Variants in STARD8 observed in about 807,000 individuals in gnomAD.
The protein encoded by STARD8 is stAR-related lipid transfer protein 8.
A neutral mutation model predicts 69.4 loss-of-function variants in STARD8; 25 were observed. The observed-to-expected ratio is 0.36, with a 90% CI of 0.26 to 0.50. The LOEUF (loss-of-function observed/expected upper bound fraction) is 0.50, where lower values mean the gene tolerates loss of function less well. STARD8 is among the 20% of genes least tolerant of loss of function. The probability of loss-of-function intolerance (pLI) is 0.96; values close to 1 mark genes in which losing one functional copy is unlikely to be tolerated. For missense variants in STARD8, 921 were observed against 932.5 expected, an observed-to-expected ratio of 0.99 and a Z score of 0.16; for synonymous variants, 389 against 374.6, an observed-to-expected ratio of 1.04 and a Z score of -0.45.
intron 1 of STARD8, among the ~76,000 whole-genome samples, chrX:68,660,152 G>T (rs1011984516): frequency 9.0e-6 from 1 of 110,947 alleles, no homozygotes; most frequent in Non-Finnish European, 1.9e-5. Context: ...TGTTCTGGGG[G>T]TTCCTCAGGA....
intron 10 of STARD8, 103 bp downstream of exon 10, chrX:68,721,849 A>C: frequency 1.1e-6 from 1 of 914,993 alleles, no homozygotes; most frequent in Non-Finnish European, 1.5e-6. Context: ...TCTCAGCCTC[A>C]CCACAAGGAG....
intron 2 of STARD8, among the ~76,000 whole-genome samples, chrX:68,679,352 A>G (rs1203105109): frequency 6.3e-5 from 7 of 111,176 alleles, no homozygotes; most frequent in African/African-American, 1.3e-4. Context: ...CAGCCTCCCT[A>G]TGATAGGCTT....
At chrX:68,715,726 T>C (rs1373978044) in intron 4 of STARD8, among the ~76,000 whole-genome samples, 3 of 111,718 alleles carry the variant, frequency 2.7e-5, no homozygotes, top group Non-Finnish European at 5.6e-5. Flanking sequence ...TAACTGGCTT[T>C]AGTCTTGATA....
intron 8 of STARD8, among the ~76,000 whole-genome samples, chrX:68,720,693 C>CT (rs2080140247): frequency 8.9e-6 from 1 of 112,797 alleles, no homozygotes; most frequent in Non-Finnish European, 1.9e-5. Context: ...CTAGATCCAC[C>CT]TTTTTCTACT....
intron 2 of STARD8, among the ~76,000 whole-genome samples, chrX:68,689,819 G>A (rs1028323176): frequency 2.7e-5 from 3 of 110,763 alleles, no homozygotes; most frequent in Non-Finnish European, 5.7e-5. Context: ...CTTCCAGGAT[G>A]TAGCTTTCTG....
Position 68,725,555 on chromosome X carries a change from A to AATATATATATAT in STARD8, c.*1146_*1157dup, listed in dbSNP as rs771897636. The AATATATATATAT allele has an allele frequency of 5.9e-4, 55 of 93,419 alleles. No individual in the cohort carries two copies. Among genetic ancestry groups the AATATATATATAT allele is most frequent in the African/African-American group, 2.1e-3 (50 of 23,895 alleles). The allele number at this position is 93,419 out of a possible 1,213,427, so 7.7% of individuals were successfully genotyped here. A position where few individuals can be genotyped will look rare whatever the true frequency, so the allele number is the denominator to read the frequency against. On this transcript the variant is annotated 3_prime_UTR_variant, in exon 15 of 15. Coordinates refer to ENST00000374599, the MANE Select transcript of STARD8 (RefSeq NM_001142503.3). ...TTGTACCTGTAAATACTGTACAGCT[A>AATATATATATAT]ATATATATATATATATATATATATG...
At chrX:68,713,279 A>G (rs1002332170) in intron 3 of STARD8, among the ~76,000 whole-genome samples, 1 of 112,622 alleles carries the variant, frequency 8.9e-6, no homozygotes, top group African/African-American at 3.2e-5. Context: ...ATGTAGGTAC[A>G]CACGGTGTGA....
Position 68,722,070 on chromosome X carries a change from T to A in STARD8, c.2483T>A (p.Ile828Asn). ...SPRIKSKRSLIGRPGPRDLSD... is the reference protein window; with the variant it reads ...SPRIKSKRSLNGRPGPRDLSD... ...AGGATCAAGAGCAAACGCAGCCTCA[T>A]TGGCAGGCCAGGCCCTAGGGACCTG... Residue 828 changes from isoleucine to asparagine, a missense_variant, in exon 11 of 15, where the codon ATT becomes AAT. Transcript: ENST00000374599. 1 of 1,203,051 alleles carries A rather than the reference T, an allele frequency of 8.3e-7. No individual in the cohort carries two copies. Among genetic ancestry groups the A allele is most frequent in the Admixed American group, 2.2e-5 (1 of 45,807 alleles).
intron 2 of STARD8, among the ~76,000 whole-genome samples, chrX:68,691,144 A>G (rs1379613208): frequency 9.0e-6 from 1 of 111,560 alleles, no homozygotes; most frequent in East Asian, 2.8e-4. Context: ...CACACGCACA[A>G]ACATACACAC....
At chrX:68,653,986 G>A (rs936137186) in intron 1 of STARD8, among the ~76,000 whole-genome samples, 2 of 111,779 alleles carry the variant, frequency 1.8e-5, no homozygotes, top group Non-Finnish European at 3.8e-5. Flanking sequence ...AATCTGCCTG[G>A]AGCGCCATCT....
chrX:68,673,472 C>T (rs59390622), intron 2 of STARD8, among the ~76,000 whole-genome samples: 3,463 of 111,694 alleles, frequency 0.031, 103 homozygotes, highest in African/African-American at 0.089. Flanking sequence ...CTGTCAGTCA[C>T]TGGGAGGCAG....
rs1314566732 is a variant in STARD8 at position 68,718,070 on chromosome X, G to A, written c.1156G>A (p.Ala386Thr). The change falls in exon 6 of 15, where the codon GCT becomes ACT. Residue 386 changes from alanine (A) to threonine (T), a missense_variant. Transcript: ENST00000374599. ...EDDEESGGSY[A>T]HLDDILQHVW... ...TGATGAGGAGAGTGGGGGCAGCTAT[G>A]CTCACCTAGACGACATCCTCCAGCA... The A allele has an allele frequency of 2.5e-6, 3 of 1,209,703 alleles. No homozygotes were observed. The highest frequency in any genetic ancestry group is 3.4e-6 in the Non-Finnish European group (3 of 895,058).
rs373290536 is a variant in STARD8 at position 68,650,383 on chromosome X, A to T, written c.45+2456A>T. On this transcript the variant is annotated intron_variant, in intron 1 of 14. Transcript: ENST00000374599. Reference sequence around the variant, plus strand: ...CAAGGCTGCAGTGTGCTATGATTGCACCACTACACTCCAGCCTGGACTACA... The same window carrying T: ...CAAGGCTGCAGTGTGCTATGATTGCTCCACTACACTCCAGCCTGGACTACA... Among the ~76,000 whole-genome samples, 19 of 105,563 alleles carry T rather than the reference A, an allele frequency of 1.8e-4. No homozygotes were observed. In the East Asian group the frequency reaches 5.1e-3, roughly 29 times the overall value. The allele number at this position is 105,563 out of a possible 115,157, so 91.7% of individuals were successfully genotyped here. A position where few individuals can be genotyped will look rare whatever the true frequency, so the allele number is the denominator to read the frequency against.
chrX:68,673,460 A>G (rs1044687343), intron 2 of STARD8, among the ~76,000 whole-genome samples: 2 of 111,634 alleles, frequency 1.8e-5, no homozygotes, highest in African/African-American at 6.5e-5. Context: ...TTCCTCCCTC[A>G]GCTGTCAGTC....
At chrX:68,693,664 C>A (rs1308020749) in intron 2 of STARD8, 64 of 753,643 alleles carry the variant, frequency 8.5e-5, no homozygotes, top group Non-Finnish European at 1.0e-4. Context: ...GGGTTGACAA[C>A]GGCTAAGCAG....
At chrX:68,689,991 A>G (rs1280800108) in intron 2 of STARD8, among the ~76,000 whole-genome samples, 1 of 107,776 alleles carries the variant, frequency 9.3e-6, no homozygotes, top group Non-Finnish European at 1.9e-5. Flanking sequence ...CTCCTCAGGA[A>G]GTTTTGTTTT....
chrX:68,690,536 G>A lies in STARD8; in HGVS notation c.80-22378G>A, dbSNP rs1270713939. Reference sequence around the variant, plus strand: ...GTATATGGAACTGCTCTTTGCCACAGCGTAGGAGAAAAGGGCTGATAGGTC... The same window carrying A: ...GTATATGGAACTGCTCTTTGCCACAACGTAGGAGAAAAGGGCTGATAGGTC... On this transcript the variant is annotated intron_variant, in intron 2 of 14. Transcript: ENST00000374599. 2.7e-5 allele frequency among the ~76,000 whole-genome samples: 3 copies of A among 111,308 alleles called. No homozygotes were observed. The Admixed American group carries it at 2.8e-4, about 11-fold the overall frequency.
Position 68,722,724 on chromosome X carries a change from G to A in STARD8, c.2799+78G>A. 6.8e-6 allele frequency: 7 copies of A among 1,025,279 alleles called. No individual in the cohort carries two copies. In the South Asian group the frequency reaches 1.5e-4, roughly 22 times the overall value. The allele number at this position is 1,025,279 out of a possible 1,213,427, so 84.5% of individuals were successfully genotyped here. On this transcript the variant is annotated intron_variant, in intron 12 of 14. Transcript: ENST00000374599. ...GCAAGGGTAGTCAGAGAACCCAAAGGAAGGAGCCGGGGAGGAGCTGCCGCC... is the reference window on the plus strand; with the variant it reads ...GCAAGGGTAGTCAGAGAACCCAAAGAAAGGAGCCGGGGAGGAGCTGCCGCC...
intron 2 of STARD8, among the ~76,000 whole-genome samples, chrX:68,706,352 G>C (rs2080006790): frequency 8.9e-6 from 1 of 112,061 alleles, no homozygotes; most frequent in Non-Finnish European, 1.9e-5. Context: ...TCAAGTTAGA[G>C]TTGTGATTCC....
Sources: gnomAD v4.1 joint callset for allele counts (sites outside exome capture counted in the v4.1 genomes callset) on GRCh38, gnomAD v4.1.1 for gene constraint, MANE v1.5 for transcripts, NCBI Gene and HGNC (gene_info 2026-07-23, HGNC 2026-07-21) for gene names.